Variants in HORMAD1 observed in about 807,000 individuals in gnomAD.
HORMAD1 encodes the protein HORMA domain-containing protein 1.
In HORMAD1, 33 loss-of-function variants were observed where a neutral mutation model predicts 58.2. That is an observed-to-expected ratio of 0.57 (90% CI 0.43 to 0.76). HORMAD1 has a LOEUF of 0.76. Ranked by LOEUF, HORMAD1 falls within the 30% of genes least tolerant of loss-of-function variation. The probability of loss-of-function intolerance (pLI) is 0.00; values close to 1 mark genes in which losing one functional copy is unlikely to be tolerated. For missense variants in HORMAD1, 363 were observed against 462.0 expected (o/e 0.79, Z 1.96); for synonymous variants, 137 against 144.6 (o/e 0.95, Z 0.38).
intron 2 of HORMAD1, 56 bp downstream of exon 2, chr1:150,719,417 C>T (rs958620552): frequency 1.8e-6 from 2 of 1,136,126 alleles, no homozygotes; most frequent in Non-Finnish European, 2.6e-6. Context: ...TTTGAGACTT[C>T]AAGAAACAAT....
Position 150,704,169 on chromosome 1 carries a change from A to G in HORMAD1, c.897T>C (p.Asp299=). ...GACTTTCTTTAGACCTCATAATTTC[A>G]TCTTCCTCACAAACTAAACTTGGTT... ...LEEPSLVCEE[D]EIMRSKESPD... Residue 299 remains aspartate (D), a synonymous_variant, in exon 12 of 15, where the codon GAT becomes GAC. Coordinates refer to ENST00000361824, the MANE Select transcript of HORMAD1 (RefSeq NM_032132.5). The G allele has an allele frequency of 6.3e-7, 1 of 1,593,154 alleles. No homozygotes were observed. Among genetic ancestry groups the G allele is most frequent in the East Asian group, 2.2e-5 (1 of 44,708 alleles).
At position 150,717,190 on chromosome 1, in the gene HORMAD1, C is replaced by A. The variant is rs146673626; in HGVS notation, c.126G>T (p.Thr42=). 2.6e-5 allele frequency: 42 copies of A among 1,591,198 alleles called. No individual in the cohort carries two copies. In the African/African-American group the frequency reaches 4.9e-4, roughly 18 times the overall value. The part of the protein sequence containing the change: ...RLLAVSVSCI[T]YLRGIFPECA... ...ATTCTGGGAATATTCCCCTCAAATA[C>A]GTGATACAGGATACTGAAACTGCTA... Residue 42 remains threonine (T), a synonymous_variant, in exon 3 of 15, where the codon ACG becomes ACT. Transcript: ENST00000361824.
intron 13 of HORMAD1, chr1:150,701,905 T>C (rs1054311298): frequency 6.6e-6 from 1 of 152,166 alleles, no homozygotes; most frequent in Non-Finnish European, 1.5e-5. Context: ...ATTAGAACGA[T>C]ATAGAGAAGA....
intron 3 of HORMAD1, 36 bp downstream of exon 3, chr1:150,717,102 T>C (rs962708050): frequency 2.2e-6 from 3 of 1,368,638 alleles, no homozygotes; most frequent in African/African-American, 1.5e-5. Flanking sequence ...AAAAATACCA[T>C]TTTAAAAGAA....
intron 7 of HORMAD1, among the ~76,000 whole-genome samples, chr1:150,709,381 T>G (rs1484859553): frequency 6.6e-6 from 1 of 152,220 alleles, no homozygotes; most frequent in South Asian, 2.1e-4. Context: ...ATATGTTGTA[T>G]GAAATCAAGG....
chr1:150,711,778 GCAAGGC>G lies in HORMAD1; in HGVS notation c.300+49_300+54del, dbSNP rs1253549171. The G allele has an allele frequency of 1.6e-5, 21 of 1,279,624 alleles. No homozygotes were observed. The East Asian group carries it at 4.5e-4, about 27-fold the overall frequency. 79.3% of individuals were successfully genotyped at this position (1,279,624 alleles called of 1,614,324 possible). ...GATAGTTTTAGTGTCATTTAATTAA[GCAAGGC>G]CAAATTTGGCAGTATTAAAAAAAGA... On this transcript the variant is annotated intron_variant, in intron 6 of 14. Transcript: ENST00000361824.
intron 13 of HORMAD1, among the ~76,000 whole-genome samples, chr1:150,700,598 CACAA>C (rs1651507558): frequency 6.6e-6 from 1 of 152,138 alleles, no homozygotes; most frequent in Non-Finnish European, 1.5e-5. Flanking sequence ...TTCATCACCC[CACAA>C]ACAAACCCCA....
At chr1:150,703,166 T>C (rs911196267) in intron 13 of HORMAD1, 144 bp downstream of exon 13, 13 of 576,508 alleles carry the variant, frequency 2.3e-5, no homozygotes, top group Non-Finnish European at 4.0e-5. Context: ...TTATTCAGGT[T>C]ATATCCTAAG....
At chr1:150,706,311 G>A (rs1314116672) in intron 10 of HORMAD1, among the ~76,000 whole-genome samples, 1 of 152,192 alleles carries the variant, frequency 6.6e-6, no homozygotes. Context: ...GAGTGGCAGA[G>A]CCTCCAGGAA....
At chr1:150,704,516 A>G (rs1009601129) in intron 10 of HORMAD1, among the ~76,000 whole-genome samples, 173 bp from the exon 11 acceptor site, 1 of 152,016 alleles carries the variant, frequency 6.6e-6, no homozygotes, top group African/African-American at 2.4e-5. Context: ...AAGGCCATGG[A>G]GGGAGGATTG....
intron 7 of HORMAD1, among the ~76,000 whole-genome samples, chr1:150,709,993 A>C (rs962885918): frequency 9.9e-5 from 15 of 152,056 alleles, no homozygotes; most frequent in Non-Finnish European, 1.9e-4. Context: ...CTGCCCTCCT[A>C]CTACATTCCT....
At position 150,706,669 on chromosome 1, in the gene HORMAD1, T is replaced by C; in HGVS notation, c.688A>G (p.Arg230Gly). Reference sequence around the variant, plus strand: ...GAGTCAATATTTTCCATTCGTTCTCTCTCAGTGGTCACTTTTACTTTGAAG... The same window carrying C: ...GAGTCAATATTTTCCATTCGTTCTCCCTCAGTGGTCACTTTTACTTTGAAG... ...HIFKVKVTTERERMENIDSTI... is the reference protein window; with the variant it reads ...HIFKVKVTTEGERMENIDSTI... Residue 230 changes from arginine to glycine, a missense_variant, in exon 10 of 15, where the codon AGA (arginine) becomes GGA (glycine). This residue lies in a region of HORMAD1 where 226 missense variants were observed against 257.8 expected (regional missense o/e 0.88). Transcript: ENST00000361824. 6.2e-7 allele frequency: 1 copy of C among 1,613,928 alleles called. No homozygotes were observed. The highest frequency in any genetic ancestry group is 8.5e-7 in the Non-Finnish European group (1 of 1,179,912).
Position 150,698,322 on chromosome 1 carries a change from A to C in HORMAD1, c.*332T>G, listed in dbSNP as rs754048528. Reference sequence around the variant, plus strand: ...ATACCAAATTTTAATACCAAAGTAAACATTACTGTTTAGAAAAATGGCATT... The same window carrying C: ...ATACCAAATTTTAATACCAAAGTAACCATTACTGTTTAGAAAAATGGCATT... On this transcript the variant is annotated 3_prime_UTR_variant, in exon 15 of 15. Transcript: ENST00000361824. The C allele has an allele frequency of 6.1e-6, 1 of 162,798 alleles. No homozygotes were observed. The highest frequency in any genetic ancestry group is 1.3e-5 in the Non-Finnish European group (1 of 75,360). 10.1% of individuals were successfully genotyped at this position (162,798 alleles called of 1,614,324 possible).
chr1:150,716,338 T>G (rs1652076522), intron 3 of HORMAD1, among the ~76,000 whole-genome samples: 1 of 151,648 alleles, frequency 6.6e-6, no homozygotes, highest in Non-Finnish European at 1.5e-5. Context: ...ATTTTTGTAT[T>G]TTTAGTAGAG....
intron 3 of HORMAD1, among the ~76,000 whole-genome samples, chr1:150,716,013 T>TA (rs1442387121): frequency 6.6e-6 from 1 of 151,740 alleles, no homozygotes; most frequent in Admixed American, 6.6e-5. Context: ...CATCAACTAA[T>TA]AAAGGGATAA....
chr1:150,713,302 TG>T lies in HORMAD1; in HGVS notation c.279+782del, dbSNP rs1651956475. On this transcript the variant is annotated intron_variant, in intron 5 of 14. Transcript: ENST00000361824. ...TTCCTACTTTACAAGGGACCTTTTTTGTTTTGTTGATCACTGTTAGCTTACC... is the reference window on the plus strand; with the variant it reads ...TTCCTACTTTACAAGGGACCTTTTTTTTTTGTTGATCACTGTTAGCTTACC... 2.0e-5 allele frequency among the ~76,000 whole-genome samples: 3 copies of T among 152,236 alleles called. No individual in the cohort carries two copies. The South Asian group carries it at 6.2e-4, about 31-fold the overall frequency.
intron 7 of HORMAD1, among the ~76,000 whole-genome samples, chr1:150,710,018 T>C (rs959671578): frequency 6.6e-6 from 1 of 152,156 alleles, no homozygotes; most frequent in Non-Finnish European, 1.5e-5. Context: ...ACTAAAATAA[T>C]GAAGATAATA....
At position 150,699,161 on chromosome 1, in the gene HORMAD1, A is replaced by G. The variant is rs994380587; in HGVS notation, c.1105-427T>C. Among the ~76,000 whole-genome samples the G allele has an allele frequency of 3.9e-5, 6 of 152,344 alleles. No homozygotes were observed. The East Asian group carries it at 7.7e-4, about 20-fold the overall frequency. On this transcript the variant is annotated intron_variant, in intron 14 of 14. Transcript: ENST00000361824. The stretch of plus-strand genomic sequence containing the variant: ...ACATTTGAGTTTTAAAAATAGTCTT[A>G]GGTTTTCAGTTGTTTAATTCTAACC...
At chr1:150,708,504 T>C (rs1651766005) in intron 8 of HORMAD1, 97 bp from the exon 9 acceptor site, 1 of 785,524 alleles carries the variant, frequency 1.3e-6, no homozygotes, top group South Asian at 2.4e-5. Context: ...ATTTCTATTA[T>C]AGCATTAAGC....
Sources: gnomAD v4.1 joint callset for allele counts (sites outside exome capture counted in the v4.1 genomes callset) on GRCh38, gnomAD v4.1.1 for gene constraint, gnomAD v4.1.1 regional missense constraint, MANE v1.5 for transcripts, NCBI Gene and HGNC (gene_info 2026-07-23, HGNC 2026-07-21) for gene names.